EXOC6B: variants seen among roughly 807,000 people sequenced by gnomAD.
EXOC6B encodes exocyst complex component 6B, also known as SEC15 homolog B.
In EXOC6B, 54 loss-of-function variants were observed where a neutral mutation model predicts 113.5. The ratio of observed to expected loss-of-function variants is 0.48; its 90% CI spans 0.38 to 0.60. EXOC6B has a LOEUF of 0.60. Among genes scored for constraint, EXOC6B ranks in the 20% least tolerant of loss-of-function variants. The probability of loss-of-function intolerance (pLI) is 0.00; values close to 1 mark genes in which losing one functional copy is unlikely to be tolerated. For synonymous variants in EXOC6B, 357 were observed against 339.0 expected (o/e 1.05, Z -0.58); for missense variants, 797 against 977.5 (o/e 0.82, Z 2.46).
chr2:72,803,997 C>A (rs1685442203), intron 1 of EXOC6B, among the ~76,000 whole-genome samples: 1 of 152,154 alleles, frequency 6.6e-6, no homozygotes, highest in Non-Finnish European at 1.5e-5. Context: ...GTATATAGTT[C>A]ATAGAGGTTA....
In EXOC6B at chr2:72,668,879, C is replaced by T. The variant is rs181358951; in HGVS notation, c.669+49224G>A. Among the ~76,000 whole-genome samples the T allele has an allele frequency of 1.1e-4, 17 of 152,190 alleles. No individual in the cohort carries two copies. In the East Asian group the frequency reaches 1.7e-3, roughly 16 times the overall value. On this transcript the variant is annotated intron_variant, in intron 6 of 21. Coordinates refer to ENST00000272427, the MANE Select transcript of EXOC6B (RefSeq NM_015189.3). ...CCAAATCTCAGAATGACGCAATATACGTTTGTAATAAACCTCCACATGTAC... is the reference window on the plus strand; with the variant it reads ...CCAAATCTCAGAATGACGCAATATATGTTTGTAATAAACCTCCACATGTAC...
Position 72,480,691 on chromosome 2 carries a change from T to G in EXOC6B, c.1725A>C (p.Glu575Asp). The G allele has an allele frequency of 1.3e-6, 2 of 1,594,898 alleles. No homozygotes were observed. The highest frequency in any genetic ancestry group is 1.1e-5 in the South Asian group (1 of 87,736). The stretch of plus-strand genomic sequence containing the variant: ...GCACATTAGTGATGTTGGTGATAAA[T>G]TCTTCCAAGTACTTACAGGATTTCT... ...HLEKSCKYLE[E>D]FITNITNVLP... The change falls in exon 17 of 22, where the codon GAA becomes GAC. Residue 575 changes from glutamate to aspartate, a missense_variant. Glu to Asp is a conservative substitution (Grantham distance 45, BLOSUM62 2). Coordinates refer to ENST00000272427, the MANE Select transcript of EXOC6B (RefSeq NM_015189.3).
chr2:72,382,636 A>G (rs956119397), intron 18 of EXOC6B, among the ~76,000 whole-genome samples: 6 of 152,110 alleles, frequency 3.9e-5, no homozygotes, highest in African/African-American at 1.2e-4. Flanking sequence ...CATTTTAACT[A>G]TATTACTTCT....
intron 6 of EXOC6B, among the ~76,000 whole-genome samples, chr2:72,657,562 C>CCTTT (rs1674678141): frequency 4.8e-5 from 2 of 41,910 alleles, no homozygotes; most frequent in African/African-American, 2.3e-4. Context: ...TTCCTCTTTC[C>CCTTT]TTTTCTTTTT....
rs535715261 is a variant in EXOC6B, at chr2:72,526,011, T to C, written c.916-10885A>G. 3.2e-4 allele frequency among the ~76,000 whole-genome samples: 48 copies of C among 152,266 alleles called. 1 individual carries two copies. The South Asian group carries it at 9.7e-3, about 31-fold the overall frequency. On this transcript the variant is annotated intron_variant, in intron 8 of 21. Transcript: ENST00000272427. ...GGTAGTTTTCTAAAGTTATTATTCA[T>C]ATACCCAATTTCACACTTGCCAATT...
At chr2:72,641,255 C>A (rs975711431) in intron 6 of EXOC6B, among the ~76,000 whole-genome samples, 1 of 152,202 alleles carries the variant, frequency 6.6e-6, no homozygotes, top group Non-Finnish European at 1.5e-5. Flanking sequence ...TGAAGCAGGG[C>A]GGGGCATCGC....
At chr2:72,505,066 G>A (rs372876294) in intron 11 of EXOC6B, among the ~76,000 whole-genome samples, 1 of 151,920 alleles carries the variant, frequency 6.6e-6, no homozygotes, top group African/African-American at 2.4e-5. Flanking sequence ...CTTTTGTGAG[G>A]TTTTTTTCTT....
At chr2:72,569,984 G>C (rs966442576) in intron 7 of EXOC6B, among the ~76,000 whole-genome samples, 1 of 152,078 alleles carries the variant, frequency 6.6e-6, no homozygotes, top group African/African-American at 2.4e-5. Flanking sequence ...CCTGTGTTAT[G>C]ACTAAATTGT....
At chr2:72,510,959 C>T (rs1314710185) in intron 11 of EXOC6B, among the ~76,000 whole-genome samples, 1 of 151,882 alleles carries the variant, frequency 6.6e-6, no homozygotes, top group Non-Finnish European at 1.5e-5. Context: ...TTTTAAAAAT[C>T]TCAGAACACA....
chr2:72,407,893 G>T (rs1219361847), intron 18 of EXOC6B, among the ~76,000 whole-genome samples: 1 of 152,112 alleles, frequency 6.6e-6, no homozygotes, highest in Non-Finnish European at 1.5e-5. Flanking sequence ...GGAAATAAAG[G>T]GTATTCAATG....
intron 1 of EXOC6B, among the ~76,000 whole-genome samples, chr2:72,753,377 C>A (rs1682187460): frequency 6.6e-6 from 1 of 151,978 alleles, no homozygotes; most frequent in Non-Finnish European, 1.5e-5. Context: ...AACCTTGACA[C>A]CTCACTTCAC....
At chr2:72,725,095 T>C (rs140096548) in intron 5 of EXOC6B, among the ~76,000 whole-genome samples, 108 of 152,270 alleles carry the variant, frequency 7.1e-4, no homozygotes, top group African/African-American at 2.5e-3. Context: ...GCAGGATAAA[T>C]ACACACATGT....
chr2:72,183,257 C>A (rs1255378828), intron 21 of EXOC6B, among the ~76,000 whole-genome samples: 1 of 152,182 alleles, frequency 6.6e-6, no homozygotes, highest in Middle Eastern at 3.2e-3. Flanking sequence ...GTAGCTGGGG[C>A]TTAACTAGTT....
intron 6 of EXOC6B, among the ~76,000 whole-genome samples, chr2:72,637,857 C>T (rs550178705): frequency 1.3e-5 from 2 of 150,476 alleles, no homozygotes; most frequent in South Asian, 2.1e-4. Flanking sequence ...TGGGATACAG[C>T]GAAAGTAGTA....
intron 6 of EXOC6B, among the ~76,000 whole-genome samples, chr2:72,619,109 G>T (rs977043170): frequency 6.6e-6 from 1 of 151,910 alleles, no homozygotes; most frequent in African/African-American, 2.4e-5. Context: ...TACGAGACCT[G>T]GAAATGTTAC....
chr2:72,247,794 CA>C (rs1270371872), intron 20 of EXOC6B, among the ~76,000 whole-genome samples: 1 of 152,168 alleles, frequency 6.6e-6, no homozygotes, highest in Non-Finnish European at 1.5e-5. Flanking sequence ...GTAGATTTTT[CA>C]AAGTGAATAC....
Position 72,575,598 on chromosome 2 carries a change from T to C in EXOC6B, c.740A>G (p.Lys247Arg), listed in dbSNP as rs748093263. 20 of 1,610,678 alleles carry C rather than the reference T, an allele frequency of 1.2e-5. No individual in the cohort carries two copies. The African/African-American group carries it at 2.3e-4, about 18-fold the overall frequency. ...ATCAAAGATTATATATGCATCTTTC[T>C]TAGATTTCCTCTTGCTACCTATTCT... ...QPRIGSKRKS[K>R]KDAYIIFDTE... The change falls in exon 7 of 22, where the codon AAG (lysine) becomes AGG (arginine). Residue 247 changes from lysine (K) to arginine (R), a missense_variant. By Grantham distance (26) the Lys-to-Arg change is conservative. Coordinates refer to ENST00000272427, the MANE Select transcript of EXOC6B (RefSeq NM_015189.3).
chr2:72,512,387 GGAAGGAAGGA>G lies in EXOC6B; in HGVS notation c.1167+735_1167+744del, dbSNP rs1558748668. Among the ~76,000 whole-genome samples, 115 of 85,802 alleles carry G rather than the reference GGAAGGAAGGA, an allele frequency of 1.3e-3. 2 individuals are homozygous for G. Among genetic ancestry groups the G allele is most frequent in the African/African-American group, 4.8e-3 (109 of 22,624 alleles). The allele number at this position is 85,802 out of a possible 152,430, so 56.3% of individuals were successfully genotyped here. On this transcript the variant is annotated intron_variant, in intron 11 of 21. Transcript: ENST00000272427. ...AGGAAAGAAGGAAGGAAGGAAGGAAGGAAGGAAGGAAGGAAGGAAGGAAGGAAGGAAGGAA... is the reference window on the plus strand; with the variant it reads ...AGGAAAGAAGGAAGGAAGGAAGGAAGAGGAAGGAAGGAAGGAAGGAAGGAA...
chr2:72,734,840 C>T (rs910365373), intron 2 of EXOC6B, among the ~76,000 whole-genome samples: 1 of 152,136 alleles, frequency 6.6e-6, no homozygotes, highest in African/African-American at 2.4e-5. Context: ...ACAGATGAAG[C>T]CATTTTTAGC....
Sources: allele counts gnomAD v4.1 joint callset (sites outside exome capture counted in the v4.1 genomes callset), GRCh38; gene constraint gnomAD v4.1.1; transcripts MANE v1.5; gene names NCBI Gene and HGNC (gene_info 2026-07-23, HGNC 2026-07-21).